Variants in ATXN10 observed in about 807,000 individuals in gnomAD.
The protein encoded by ATXN10 is ataxin-10.
Under a neutral mutation model 52.9 loss-of-function variants are expected in ATXN10, and 28 were observed. The observed-to-expected ratio is 0.53, with a 90% confidence interval of 0.39 to 0.73. The LOEUF (loss-of-function observed/expected upper bound fraction) is 0.73, where lower values mean the gene tolerates loss of function less well. ATXN10 is among the 30% of genes least tolerant of loss of function. The probability of loss-of-function intolerance (pLI) is 0.00; values close to 1 mark genes in which losing one functional copy is unlikely to be tolerated. For missense variants in ATXN10, 565 were observed against 577.0 expected, an observed-to-expected ratio of 0.98 and a Z score of 0.21; for synonymous variants, 226 against 221.5, an observed-to-expected ratio of 1.02 and a Z score of -0.18.
At chr22:45,813,344 T>G (rs1278228922) in intron 10 of ATXN10, among the ~76,000 whole-genome samples, 1 of 151,892 alleles carries the variant, frequency 6.6e-6, no homozygotes, top group Non-Finnish European at 1.5e-5. Context: ...TTTTTTTTTT[T>G]TCATATTGTT....
intron 9 of ATXN10, among the ~76,000 whole-genome samples, chr22:45,765,847 T>C (rs1926562671): frequency 6.6e-6 from 1 of 152,198 alleles, no homozygotes; most frequent in South Asian, 2.1e-4. Context: ...ATGATCCCAG[T>C]AATACCCTCA....
Position 45,781,889 on chromosome 22 carries a change from A to T in ATXN10, c.1174-25070A>T, listed in dbSNP as rs1039111370. Among the ~76,000 whole-genome samples the T allele has an allele frequency of 6.6e-5, 10 of 152,240 alleles. No individual in the cohort carries two copies. Among genetic ancestry groups the T allele is most frequent in the South Asian group, 2.1e-4 (1 of 4,832 alleles). ...AGATGCTGGAAGAAAAAAATCAGTG[A>T]ACTGGAGGATGGAATAAAAATTATC... is the stretch of plus-strand genomic sequence containing the variant. On this transcript the variant is annotated intron_variant, in intron 9 of 11. Coordinates refer to ENST00000252934, the MANE Select transcript of ATXN10 (RefSeq NM_013236.4). The surrounding 1 kb of genome is among the most constrained non-coding windows in gnomAD (Gnocchi z 4.2).
Position 45,750,063 on chromosome 22 carries a change from C to G in ATXN10, c.1173+9525C>G, listed in dbSNP as rs372460736. Reference sequence around the variant, plus strand: ...ACTGCTACTCAGTTTTCTTTACTTACGCCATATGATCAATTTTTAGATAAC... The same window carrying G: ...ACTGCTACTCAGTTTTCTTTACTTAGGCCATATGATCAATTTTTAGATAAC... On this transcript the variant is annotated intron_variant, in intron 9 of 11. Coordinates refer to ENST00000252934, the MANE Select transcript of ATXN10 (RefSeq NM_013236.4). The surrounding 1 kb of genome is among the most constrained non-coding windows in gnomAD (Gnocchi z 4.2). Among the ~76,000 whole-genome samples the G allele has an allele frequency of 6.6e-6, 1 of 152,014 alleles. No individual in the cohort carries two copies. The highest frequency in any genetic ancestry group is 1.9e-4 in the East Asian group (1 of 5,184).
rs867370285 is a variant in ATXN10, at chr22:45,705,906, G to A, written c.647+3059G>A. ...AACAGGACCACATAGCACAAGATAAGCAGCAGGCAAGCAAGCATTCCTGCC... is the reference window on the plus strand; with the variant it reads ...AACAGGACCACATAGCACAAGATAAACAGCAGGCAAGCAAGCATTCCTGCC... On this transcript the variant is annotated intron_variant, in intron 5 of 11. Coordinates refer to ENST00000252934, the MANE Select transcript of ATXN10 (RefSeq NM_013236.4). The surrounding 1 kb of genome is among the most constrained non-coding windows in gnomAD (Gnocchi z 5.2). 2.6e-5 allele frequency among the ~76,000 whole-genome samples: 4 copies of A among 152,154 alleles called. No individual in the cohort carries two copies. Among genetic ancestry groups the A allele is most frequent in the Non-Finnish European group, 2.9e-5 (2 of 68,020 alleles).
intron 7 of ATXN10, among the ~76,000 whole-genome samples, chr22:45,738,273 A>T (rs1789684003): frequency 6.6e-6 from 1 of 152,168 alleles, no homozygotes; most frequent in Admixed American, 6.5e-5. Flanking sequence ...AGTTTTTTCA[A>T]CCACAGCATT....
At chr22:45,710,857 A>G (rs1278713376) in intron 5 of ATXN10, among the ~76,000 whole-genome samples, 1 of 152,240 alleles carries the variant, frequency 6.6e-6, no homozygotes, top group East Asian at 1.9e-4. Flanking sequence ...TGGTAGTAGT[A>G]TTTGTTGAAT....
At chr22:45,751,925 T>G (rs905120659) in intron 9 of ATXN10, among the ~76,000 whole-genome samples, 25 of 151,040 alleles carry the variant, frequency 1.7e-4, no homozygotes, top group African/African-American at 6.1e-4. Context: ...TTTTTTCCTG[T>G]CAGTGCTTGA....
In ATXN10 at chr22:45,700,299, C is replaced by A. The variant is rs752166502; in HGVS notation, c.409C>A (p.Gln137Lys). The A allele has an allele frequency of 3.7e-6, 6 of 1,612,956 alleles. No homozygotes were observed. The highest frequency in any genetic ancestry group is 5.1e-6 in the Non-Finnish European group (6 of 1,179,006). The change falls in exon 4 of 12, where the codon CAG (glutamine) becomes AAG (lysine). Residue 137 changes from glutamine (Q) to lysine (K), a missense_variant. By Grantham distance (53) the Gln-to-Lys change is moderately conservative (BLOSUM62 1). Transcript: ENST00000252934. ...SLLTAFRCGLQFLGNIASRNE... is the reference protein window; with the variant it reads ...SLLTAFRCGLKFLGNIASRNE... Reference sequence around the variant, plus strand: ...ATTCTTAGCTTTTCGCTGTGGCCTGCAGTTTTTAGGCAACATTGCCTCACG... The same window carrying A: ...ATTCTTAGCTTTTCGCTGTGGCCTGAAGTTTTTAGGCAACATTGCCTCACG...
chr22:45,818,877 C>T lies in ATXN10; in HGVS notation c.1237+11855C>T, dbSNP rs929043. ...AAGGACCTGCTCCTTAGAGCCAAGC[C>T]CCGTGACTGATGCAGGCTGATGGCA... On this transcript the variant is annotated intron_variant, in intron 10 of 11. Coordinates refer to ENST00000252934, the MANE Select transcript of ATXN10 (RefSeq NM_013236.4). The surrounding 1 kb of genome is among the most constrained non-coding windows in gnomAD (Gnocchi z 4.6). 6.6e-6 allele frequency among the ~76,000 whole-genome samples: 1 copy of T among 152,086 alleles called. No homozygotes were observed. Among genetic ancestry groups the T allele is most frequent in the African/African-American group, 2.4e-5 (1 of 41,426 alleles).
intron 10 of ATXN10, among the ~76,000 whole-genome samples, chr22:45,812,346 T>A (rs1233025193): frequency 1.3e-5 from 2 of 152,196 alleles, no homozygotes; most frequent in East Asian, 3.8e-4. Flanking sequence ...GTCTTGCATG[T>A]AGTAGATAAC....
chr22:45,729,172 GAA>G (rs1924988982), intron 6 of ATXN10, among the ~76,000 whole-genome samples: 1 of 152,146 alleles, frequency 6.6e-6, no homozygotes, highest in East Asian at 1.9e-4. Context: ...TTTTAATGTT[GAA>G]AGTAATGGAC....
intron 9 of ATXN10, among the ~76,000 whole-genome samples, chr22:45,803,509 A>G (rs745337144): frequency 2.8e-4 from 42 of 152,140 alleles, no homozygotes; most frequent in Non-Finnish European, 3.1e-4. Flanking sequence ...ACCAACCTCA[A>G]TCTGGCGTGG....
Position 45,718,533 on chromosome 22 carries a change from C to A in ATXN10, c.728+40C>A. 1 of 1,518,800 alleles carries A rather than the reference C, an allele frequency of 6.6e-7. No homozygotes were observed. Among genetic ancestry groups the A allele is most frequent in the Non-Finnish European group, 9.1e-7 (1 of 1,093,534 alleles). The allele number at this position is 1,518,800 out of a possible 1,614,324, so 94.1% of individuals were successfully genotyped here. On this transcript the variant is annotated intron_variant, in intron 6 of 11. Transcript: ENST00000252934. This position sits in a 1 kb window ranked among gnomAD's most constrained non-coding sequence, Gnocchi z 4.4. ...AGCGTGGTCTGGAGTATTTAGCATT[C>A]CATATAGGGTATTCGATGCACGTGA...
At position 45,678,762 on chromosome 22, in the gene ATXN10, A is replaced by AT. The variant is rs1231092777; in HGVS notation, c.116+6585dup. The AT allele has an allele frequency of 6.6e-6, 1 of 152,206 alleles. No individual in the cohort carries two copies. The highest frequency in any genetic ancestry group is 2.4e-5 in the African/African-American group (1 of 41,446). 9.4% of individuals were successfully genotyped at this position (152,206 alleles called of 1,614,324 possible). On this transcript the variant is annotated intron_variant, in intron 1 of 11. Transcript: ENST00000252934. This position sits in a 1 kb window ranked among gnomAD's most constrained non-coding sequence, Gnocchi z 4.1. The stretch of plus-strand genomic sequence containing the variant: ...TATTGATTAGTTTACCATGTAATTC[A>AT]TTCATTGACTCACACCACACATGAT...
At chr22:45,801,687 A>G (rs1927936502) in intron 9 of ATXN10, among the ~76,000 whole-genome samples, 1 of 152,202 alleles carries the variant, frequency 6.6e-6, no homozygotes, top group Non-Finnish European at 1.5e-5. Context: ...ATGATTGTAG[A>G]AGTAGATCTT....
In ATXN10 at chr22:45,740,467, A is replaced by G. The variant is rs763432782; in HGVS notation, c.1102A>G (p.Asn368Asp). 2 of 1,613,822 alleles carry G rather than the reference A, an allele frequency of 1.2e-6. No individual in the cohort carries two copies. The highest frequency in any genetic ancestry group is 1.7e-5 in the Admixed American group (1 of 59,984). ...RAEGDISNVA[N>D]GFKSHLIRLI... is the part of the protein sequence containing the mutation. ...AGAAGGTGACATCTCCAATGTGGCC[A>G]ATGGGTTTAAGTCTCATCTCATTCG... Residue 368 changes from asparagine to aspartate, a missense_variant, in exon 9 of 12, where the codon AAT becomes GAT. Transcript: ENST00000252934.
At chr22:45,726,574 C>A (rs1172711740) in intron 6 of ATXN10, among the ~76,000 whole-genome samples, 1 of 152,150 alleles carries the variant, frequency 6.6e-6, no homozygotes, top group Non-Finnish European at 1.5e-5. Flanking sequence ...AGCTAATGGT[C>A]TATCGATTTT....
At chr22:45,746,774 T>C (rs957440141) in intron 9 of ATXN10, among the ~76,000 whole-genome samples, 1 of 152,192 alleles carries the variant, frequency 6.6e-6, no homozygotes, top group African/African-American at 2.4e-5. Context: ...CACTATACTC[T>C]TCTGCCCTCT....
At chr22:45,749,709 GTGCCACCA>G (rs1569048539) in intron 9 of ATXN10, among the ~76,000 whole-genome samples, 1 of 151,998 alleles carries the variant, frequency 6.6e-6, no homozygotes, top group Non-Finnish European at 1.5e-5. Context: ...CTGCAGGCAT[GTGCCACCA>G]TGCCCGACTA....
Sources: gnomAD v4.1 joint callset for allele counts (sites outside exome capture counted in the v4.1 genomes callset) on GRCh38, gnomAD v4.1.1 for gene constraint, Gnocchi (gnomAD v3.1) non-coding constraint, MANE v1.5 for transcripts, NCBI Gene and HGNC (gene_info 2026-07-23, HGNC 2026-07-21) for gene names.